PKD2: variants seen among roughly 807,000 people sequenced by gnomAD.
PKD2 encodes polycystin 2, transient receptor potential cation channel, also known as polycystin-2.
Under a neutral mutation model 105.9 loss-of-function variants are expected in PKD2, and 48 were observed. That is an observed-to-expected ratio of 0.45 (90% CI 0.36 to 0.58). PKD2 has a LOEUF of 0.58. Among genes scored for constraint, PKD2 ranks in the 20% least tolerant of loss-of-function variants. The probability of loss-of-function intolerance (pLI) is 0.00; values close to 1 mark genes in which losing one functional copy is unlikely to be tolerated. For missense variants in PKD2, 1,078 were observed against 1,255.3 expected, an observed-to-expected ratio of 0.86 and a Z score of 2.13; for synonymous variants, 464 against 481.1, an observed-to-expected ratio of 0.96 and a Z score of 0.46.
At chr4:88,033,408 T>C (rs1727228728) in intron 2 of PKD2, among the ~76,000 whole-genome samples, 1 of 146,608 alleles carries the variant, frequency 6.8e-6, no homozygotes, top group Admixed American at 6.9e-5. Flanking sequence ...GCCTTGGCCA[T>C]AGAGCCAGAC....
At chr4:88,015,665 A>G (rs1726534463) in intron 1 of PKD2, among the ~76,000 whole-genome samples, 1 of 152,138 alleles carries the variant, frequency 6.6e-6, no homozygotes, top group African/African-American at 2.4e-5. Context: ...CAGGTGATCC[A>G]CCCACCTCGG....
rs1175705856 is a variant in PKD2, at chr4:88,007,903, A to G, written c.170A>G (p.Gln57Arg). ...CEQRGLEIEM[Q>R]RIRQAAARDP... ...CAGCGGGGCCTGGAGATCGAGATGC[A>G]GCGCATCCGGCAGGCGGCCGCGCGG... Residue 57 changes from glutamine to arginine, a missense_variant, in exon 1 of 15, where the codon CAG (glutamine) becomes CGG (arginine). Physicochemically the swap from Gln to Arg is conservative, Grantham distance 43. This residue lies in a region of PKD2 where 210 missense variants were observed against 187.9 expected (regional missense o/e 1.12). Coordinates refer to ENST00000237596, the MANE Select transcript of PKD2 (RefSeq NM_000297.4). 1.3e-5 allele frequency: 18 copies of G among 1,421,996 alleles called. No homozygotes were observed. The highest frequency in any genetic ancestry group is 1.7e-5 in the Non-Finnish European group (18 of 1,082,586). 88.1% of individuals were successfully genotyped at this position (1,421,996 alleles called of 1,614,324 possible).
intron 2 of PKD2, among the ~76,000 whole-genome samples, chr4:88,031,579 T>A (rs1727154241): frequency 6.6e-6 from 1 of 152,192 alleles, no homozygotes; most frequent in South Asian, 2.1e-4. Context: ...TTATGGCAGC[T>A]CTGATTTCTT....
chr4:88,027,011 C>A (rs755145739), intron 2 of PKD2, among the ~76,000 whole-genome samples: 2 of 152,228 alleles, frequency 1.3e-5, no homozygotes, highest in African/African-American at 2.4e-5. Context: ...AGGCAGAAGT[C>A]TGCTGCAGGG....
At position 88,019,580 on chromosome 4, in the gene PKD2, A is replaced by C. The variant is rs369919946; in HGVS notation, c.709+9A>C. 2.9e-6 allele frequency: 4 copies of C among 1,367,024 alleles called. No homozygotes were observed. Among genetic ancestry groups the C allele is most frequent in the South Asian group, 1.2e-5 (1 of 86,150 alleles). The allele number at this position is 1,367,024 out of a possible 1,614,324, so 84.7% of individuals were successfully genotyped here. Reference sequence around the variant, plus strand: ...CATAGTCTTGTGCATCTGTAAGTAGAATATTTCCTTGCACTAATGGGAAAG... The same window carrying C: ...CATAGTCTTGTGCATCTGTAAGTAGCATATTTCCTTGCACTAATGGGAAAG... On this transcript the variant is annotated intron_variant, in intron 2 of 14. Coordinates refer to ENST00000237596, the MANE Select transcript of PKD2 (RefSeq NM_000297.4).
chr4:88,068,145 C>A, intron 13 of PKD2, 84 bp downstream of exon 13: 1 of 1,072,404 alleles, frequency 9.3e-7, no homozygotes, highest in South Asian at 1.3e-5. Context: ...TGAATTCACT[C>A]CTTTCCATTA....
rs1230764764 is a variant in PKD2 at position 88,070,595 on chromosome 4, T to TAGAG, written c.2522+2535_2522+2536insGAGA. Among the ~76,000 whole-genome samples, 470 of 98,352 alleles carry TAGAG rather than the reference T, an allele frequency of 4.8e-3. 1 individual carries two copies. The highest frequency in any genetic ancestry group is 9.2e-3 in the Admixed American group (75 of 8,148). The allele number at this position is 98,352 out of a possible 152,430, so 64.5% of individuals were successfully genotyped here. On this transcript the variant is annotated intron_variant, in intron 13 of 14. Transcript: ENST00000237596. ...TATTTTATATATATATATATATATA[T>TAGAG]ATATATAGAGAGAGAGAGAGAGAGA...
intron 1 of PKD2, among the ~76,000 whole-genome samples, chr4:88,012,768 A>C (rs1156616780): frequency 6.6e-6 from 1 of 151,512 alleles, no homozygotes; most frequent in African/African-American, 2.4e-5. Flanking sequence ...CCTCCATTCT[A>C]CTTCCCCTTT....
chr4:88,029,558 A>T (rs200195791), intron 2 of PKD2, among the ~76,000 whole-genome samples: 1 of 152,002 alleles, frequency 6.6e-6, no homozygotes, highest in East Asian at 1.9e-4. Context: ...TTCTGTGATC[A>T]TTCTGCCTCA....
chr4:88,065,406 G>A lies in PKD2; in HGVS notation c.2151G>A (p.Leu717=). The A allele has an allele frequency of 6.2e-7, 1 of 1,611,244 alleles. No homozygotes were observed. Among genetic ancestry groups the A allele is most frequent in the Non-Finnish European group, 8.5e-7 (1 of 1,177,740 alleles). ...ATAAAGCTTTGGTCAAACTAAAACT[G>A]AAAAAAAATACCGTGGATGACATTT... ...GYHKALVKLK[L]KKNTVDDISE... Residue 717 remains leucine, a synonymous_variant, in exon 11 of 15, where the codon CTG becomes CTA. Transcript: ENST00000237596.
At chr4:88,049,082 C>T (rs770422022) in intron 6 of PKD2, among the ~76,000 whole-genome samples, 11 of 152,136 alleles carry the variant, frequency 7.2e-5, no homozygotes, top group Non-Finnish European at 1.3e-4. Context: ...CCAAAGAACT[C>T]AATATCAACA....
Position 88,052,129 on chromosome 4 carries a change from G to T in PKD2, c.1687G>T (p.Ala563Ser). ...GCAGATACAGTTCAACAATATAGCT[G>T]CTGTCACAGTATTTTTTGTCTGGAT... ...YWQIQFNNIA[A>S]VTVFFVWIKL... Residue 563 changes from alanine to serine, a missense_variant, in exon 7 of 15, where the codon GCT (alanine) becomes TCT (serine). By Grantham distance (99) the Ala-to-Ser change is moderately conservative. Transcript: ENST00000237596. 1 of 1,603,806 alleles carries T rather than the reference G, an allele frequency of 6.2e-7. No homozygotes were observed. The highest frequency in any genetic ancestry group is 1.1e-5 in the South Asian group (1 of 90,510).
intron 9 of PKD2, among the ~76,000 whole-genome samples, chr4:88,060,292 T>C (rs1363938372): frequency 4.6e-5 from 7 of 152,166 alleles, no homozygotes; most frequent in South Asian, 4.1e-4. Context: ...CAAAAACTTA[T>C]ATGTATTCTA....
intron 10 of PKD2, among the ~76,000 whole-genome samples, chr4:88,063,355 A>G (rs1413730567): frequency 6.6e-6 from 1 of 152,168 alleles, no homozygotes; most frequent in African/African-American, 2.4e-5. Flanking sequence ...AACATGGTGA[A>G]ACCCCATCTC....
At chr4:88,049,388 G>T (rs1355643301) in intron 6 of PKD2, among the ~76,000 whole-genome samples, 1 of 152,214 alleles carries the variant, frequency 6.6e-6, no homozygotes, top group African/African-American at 2.4e-5. Flanking sequence ...GAAAGGCAAT[G>T]ATATCATGGA....
At position 88,065,417 on chromosome 4, in the gene PKD2, C is replaced by T; in HGVS notation, c.2162C>T (p.Thr721Ile). ...ALVKLKLKKN[T>I]VDDISESLRQ... ...GTCAAACTAAAACTGAAAAAAAATACCGTGGATGACATTTCAGAGAGTCTG... is the reference window on the plus strand; with the variant it reads ...GTCAAACTAAAACTGAAAAAAAATATCGTGGATGACATTTCAGAGAGTCTG... The change falls in exon 11 of 15, where the codon ACC becomes ATC. Residue 721 changes from threonine to isoleucine, a missense_variant. Physicochemically the swap from Thr to Ile is moderately conservative, Grantham distance 89. This residue lies in a region of PKD2 where 868 missense variants were observed against 1,067.3 expected (regional missense o/e 0.81). Transcript: ENST00000237596. 1 of 1,611,616 alleles carries T rather than the reference C, an allele frequency of 6.2e-7. No homozygotes were observed. Among genetic ancestry groups the T allele is most frequent in the Non-Finnish European group, 8.5e-7 (1 of 1,177,872 alleles).
At position 88,007,908 on chromosome 4, in the gene PKD2, A is replaced by G; in HGVS notation, c.175A>G (p.Ile59Val). The stretch of plus-strand genomic sequence containing the variant: ...GGGCCTGGAGATCGAGATGCAGCGC[A>G]TCCGGCAGGCGGCCGCGCGGGACCC... ...QRGLEIEMQRIRQAAARDPPA... is the reference protein window; with the variant it reads ...QRGLEIEMQRVRQAAARDPPA... The change falls in exon 1 of 15, where the codon ATC (isoleucine) becomes GTC (valine). Residue 59 changes from isoleucine to valine, a missense_variant. Transcript: ENST00000237596. 1.4e-6 allele frequency: 2 copies of G among 1,428,674 alleles called. No individual in the cohort carries two copies. The highest frequency in any genetic ancestry group is 1.8e-6 in the Non-Finnish European group (2 of 1,086,134). The allele number at this position is 1,428,674 out of a possible 1,614,324, so 88.5% of individuals were successfully genotyped here.
chr4:88,058,183 T>G, intron 9 of PKD2, 80 bp downstream of exon 9: 1 of 888,078 alleles, frequency 1.1e-6, no homozygotes, highest in Non-Finnish European at 1.8e-6. Context: ...ACACTTTATG[T>G]CCTATCAATT....
chr4:88,056,074 T>G lies in PKD2; in HGVS notation c.1717-12T>G, dbSNP rs1720318073. 6.3e-7 allele frequency: 1 copy of G among 1,575,684 alleles called. No homozygotes were observed. Among genetic ancestry groups the G allele is most frequent in the Non-Finnish European group, 8.7e-7 (1 of 1,145,166 alleles). The stretch of plus-strand genomic sequence containing the variant: ...TATCCATTCATCTATTGATGTCTTC[T>G]CTCTCTTACAGCTCTTCAAATTCAT... On this transcript the variant is annotated splice_polypyrimidine_tract_variant and intron_variant, in intron 7 of 14. Transcript: ENST00000237596.
Sources: gnomAD v4.1 joint callset for allele counts (sites outside exome capture counted in the v4.1 genomes callset) on GRCh38, gnomAD v4.1.1 for gene constraint, gnomAD v4.1.1 regional missense constraint, MANE v1.5 for transcripts, NCBI Gene and HGNC (gene_info 2026-07-23, HGNC 2026-07-21) for gene names.